TTBK2: variants seen among roughly 807,000 people sequenced by gnomAD.
TTBK2 encodes the protein tau-tubulin kinase 2.
TTBK2 carries 28 observed loss-of-function variants against 110.8 expected under a neutral mutation model. The ratio of observed to expected loss-of-function variants is 0.25; its 90% CI spans 0.19 to 0.35. The LOEUF is 0.35. TTBK2 is among the 10% of genes least tolerant of loss of function. The pLI is 1.00. For synonymous variants in TTBK2, 532 were observed against 527.3 expected, an observed-to-expected ratio of 1.01 and a Z score of -0.12; for missense variants, 1,369 against 1,500.3, an observed-to-expected ratio of 0.91 and a Z score of 1.45.
At chr15:42,909,704 G>C (rs976904219) in intron 1 of TTBK2, among the ~76,000 whole-genome samples, 1 of 151,948 alleles carries the variant, frequency 6.6e-6, no homozygotes, top group African/African-American at 2.4e-5. Flanking sequence ...AAAAAATTAA[G>C]CAAGACAAAA....
intron 9 of TTBK2, among the ~76,000 whole-genome samples, chr15:42,796,945 G>A (rs905195477): frequency 6.6e-6 from 1 of 152,186 alleles, no homozygotes; most frequent in South Asian, 2.1e-4. Flanking sequence ...TAAAATCTGA[G>A]AAATTTTATT....
chr15:42,805,660 T>C (rs1159982687), intron 9 of TTBK2, among the ~76,000 whole-genome samples: 1 of 152,186 alleles, frequency 6.6e-6, no homozygotes, highest in Non-Finnish European at 1.5e-5. Flanking sequence ...ATCATCATCT[T>C]GCCTCCTGGC....
At chr15:42,891,172 C>CT (rs758372860) in intron 1 of TTBK2, among the ~76,000 whole-genome samples, 1,882 of 125,740 alleles carry the variant, frequency 0.015, 29 homozygotes, top group African/African-American at 0.038. Context: ...CCATGCCCGA[C>CT]TTTTTTTTTT....
intron 13 of TTBK2, among the ~76,000 whole-genome samples, chr15:42,774,789 C>T (rs1257273994): frequency 1.3e-5 from 2 of 152,138 alleles, no homozygotes; most frequent in East Asian, 1.9e-4. Context: ...TAAATAGATG[C>T]CTTCCTCAGT....
intron 1 of TTBK2, among the ~76,000 whole-genome samples, chr15:42,897,860 ACACACG>A (rs1157944212): frequency 1.3e-5 from 2 of 150,144 alleles, no homozygotes; most frequent in Non-Finnish European, 3.0e-5. Context: ...ACACACACAC[ACACACG>A]GAACTTCCAA....
chr15:42,917,606 C>T (rs1185135392), intron 1 of TTBK2, among the ~76,000 whole-genome samples: 18 of 151,464 alleles, frequency 1.2e-4, no homozygotes, highest in East Asian at 1.9e-4. Context: ...TCAGTACTTT[C>T]GGCATAAAAG....
At chr15:42,918,127 G>A (rs1475309919) in intron 1 of TTBK2, among the ~76,000 whole-genome samples, 3 of 152,060 alleles carry the variant, frequency 2.0e-5, no homozygotes, top group East Asian at 3.9e-4. Flanking sequence ...CCAGCCTGGA[G>A]TGCAGTGGAG....
Position 42,744,305 on chromosome 15 carries a change from G to T in TTBK2, c.*1490C>A, listed in dbSNP as rs2061766817. 6.6e-6 allele frequency: 1 copy of T among 152,030 alleles called. No homozygotes were observed. Among genetic ancestry groups the T allele is most frequent in the Non-Finnish European group, 1.5e-5 (1 of 67,994 alleles). The allele number at this position is 152,030 out of a possible 1,614,324, so 9.4% of individuals were successfully genotyped here. A position where few individuals can be genotyped will look rare whatever the true frequency, so the allele number is the denominator to read the frequency against. ...GGGCAGCTTTGATGCAGCATTAGAA[G>T]ATGTTCACTTGGGGAGGAAATGTAT... On this transcript the variant is annotated 3_prime_UTR_variant, in exon 15 of 15. Transcript: ENST00000267890.
intron 3 of TTBK2, among the ~76,000 whole-genome samples, chr15:42,857,732 A>G (rs1893999369): frequency 6.6e-6 from 1 of 152,090 alleles, no homozygotes; most frequent in Non-Finnish European, 1.5e-5. Context: ...AAACTTTCAT[A>G]CAATTTTTTT....
rs759216076 is a variant in TTBK2, at chr15:42,783,490, G to A, written c.1126C>T (p.Arg376Cys). Reference sequence around the variant, plus strand: ...TCCCAAACATCCTTCTCCTGGGGACGGGGGTGTCCCAGAGATCCAGGCAAT... The same window carrying A: ...TCCCAAACATCCTTCTCCTGGGGACAGGGGTGTCCCAGAGATCCAGGCAAT... ...DKLPGSLGHP[R>C]PQEKDVWEEM... Residue 376 changes from arginine (R) to cysteine (C), a missense_variant, in exon 11 of 15, where the codon CGT (arginine) becomes TGT (cysteine). By Grantham distance (180) the Arg-to-Cys change is radical. This residue lies in a region of TTBK2 where 1,097 missense variants were observed against 1,114.7 expected (regional missense o/e 0.98). Coordinates refer to ENST00000267890, the MANE Select transcript of TTBK2 (RefSeq NM_173500.4). 1.5e-5 allele frequency: 24 copies of A among 1,614,048 alleles called. No homozygotes were observed. The highest frequency in any genetic ancestry group is 1.2e-4 in the Admixed American group (7 of 60,014).
At chr15:42,829,899 T>A in intron 5 of TTBK2, 39 bp downstream of exon 5, 1 of 1,612,770 alleles carries the variant, frequency 6.2e-7, no homozygotes, top group South Asian at 1.1e-5. Context: ...ATTAAAAGTA[T>A]CAAACTCATT....
intron 2 of TTBK2, among the ~76,000 whole-genome samples, chr15:42,878,163 T>A (rs1220124390): frequency 6.7e-6 from 1 of 149,828 alleles, no homozygotes; most frequent in Non-Finnish European, 1.5e-5. Context: ...TTTTTTTTTT[T>A]AGTAGAGATG....
intron 13 of TTBK2, among the ~76,000 whole-genome samples, chr15:42,765,092 C>G (rs1422201930): frequency 2.6e-5 from 4 of 152,124 alleles, no homozygotes; most frequent in Non-Finnish European, 4.4e-5. Flanking sequence ...ACACCAAAAC[C>G]CCATCTGTAG....
chr15:42,912,794 A>G (rs2030850371), intron 1 of TTBK2, among the ~76,000 whole-genome samples: 1 of 152,146 alleles, frequency 6.6e-6, no homozygotes, highest in Non-Finnish European at 1.5e-5. Flanking sequence ...TACAAAGAGT[A>G]CACACCAGCT....
intron 3 of TTBK2, among the ~76,000 whole-genome samples, chr15:42,851,523 G>C (rs1490620960): frequency 2.0e-5 from 3 of 152,092 alleles, no homozygotes; most frequent in Non-Finnish European, 4.4e-5. Context: ...ATAAATCTTA[G>C]TGACTGAATT....
chr15:42,761,715 G>C (rs1043236324), intron 13 of TTBK2, among the ~76,000 whole-genome samples: 2 of 152,126 alleles, frequency 1.3e-5, no homozygotes, highest in Non-Finnish European at 2.9e-5. Flanking sequence ...CTAGTCATCA[G>C]GGAAATGCAA....
chr15:42,777,376 T>C, intron 11 of TTBK2, 134 bp from the exon 12 acceptor site: 1 of 844,900 alleles, frequency 1.2e-6, no homozygotes, highest in Non-Finnish European at 1.8e-6. Context: ...TTTGGCTAGT[T>C]TACTTCATTA....
intron 12 of TTBK2, among the ~76,000 whole-genome samples, chr15:42,776,394 T>A (rs1889922636): frequency 6.6e-6 from 1 of 152,242 alleles, no homozygotes; most frequent in Non-Finnish European, 1.5e-5. Flanking sequence ...TTCATTTCTG[T>A]CTTCTGTTAT....
chr15:42,749,008 C>T (rs1169739619), intron 14 of TTBK2, among the ~76,000 whole-genome samples: 1 of 152,094 alleles, frequency 6.6e-6, no homozygotes, highest in Non-Finnish European at 1.5e-5. Flanking sequence ...ATCATAATGG[C>T]ATTATGGGAC....
Sources: gnomAD v4.1 joint callset for allele counts (sites outside exome capture counted in the v4.1 genomes callset) on GRCh38, gnomAD v4.1.1 for gene constraint, gnomAD v4.1.1 regional missense constraint, MANE v1.5 for transcripts, NCBI Gene and HGNC (gene_info 2026-07-23, HGNC 2026-07-21) for gene names.